HOXC13: variants seen among roughly 807,000 people sequenced by gnomAD.
HOXC13 encodes the protein homeobox protein Hox-C13.
In HOXC13, 10 loss-of-function variants were observed where a neutral mutation model predicts 25.9. The ratio of observed to expected loss-of-function variants is 0.39; its 90% CI spans 0.24 to 0.65. The LOEUF is 0.65. Among genes scored for constraint, HOXC13 ranks in the 30% least tolerant of loss-of-function variants. HOXC13 has a pLI of 0.50. For missense variants in HOXC13, 439 were observed against 478.3 expected, an observed-to-expected ratio of 0.92 and a Z score of 0.77; for synonymous variants, 233 against 217.1, an observed-to-expected ratio of 1.07 and a Z score of -0.64.
chr12:53,942,154 C>CTTTTTTTTTTTT (rs56678098), intron 1 of HOXC13, among the ~76,000 whole-genome samples: 1 of 39,338 alleles, frequency 2.5e-5, no homozygotes, highest in Non-Finnish European at 4.2e-5. Flanking sequence ...TGAGTGTAGA[C>CTTTTTTTTTTTT]TTTTTTTTTT....
chr12:53,945,444 C>T lies in HOXC13; in HGVS notation c.*188C>T. On this transcript the variant is annotated 3_prime_UTR_variant, in exon 2 of 2. Transcript: ENST00000243056. The surrounding 1 kb of genome is among the most constrained non-coding windows in gnomAD (Gnocchi z 4.4). Reference sequence around the variant, plus strand: ...CATCCCCAACTCCCTATCCCATCCCCAGCCTCCACCCCCATCCAGATGGGA... The same window carrying T: ...CATCCCCAACTCCCTATCCCATCCCTAGCCTCCACCCCCATCCAGATGGGA... 1 of 650,464 alleles carries T rather than the reference C, an allele frequency of 1.5e-6. No individual in the cohort carries two copies. Among genetic ancestry groups the T allele is most frequent in the Non-Finnish European group, 2.6e-6 (1 of 382,286 alleles). The allele number at this position is 650,464 out of a possible 1,614,324, so 40.3% of individuals were successfully genotyped here.
intron 1 of HOXC13, among the ~76,000 whole-genome samples, chr12:53,944,320 T>G (rs1344106508): frequency 6.6e-6 from 1 of 152,184 alleles, no homozygotes; most frequent in Non-Finnish European, 1.5e-5. Context: ...TGGCTTCACC[T>G]GGACACTTAT....
Position 53,939,742 on chromosome 12 carries a change from C to T in HOXC13, c.736+100C>T. The T allele has an allele frequency of 8.1e-7, 1 of 1,234,976 alleles. No individual in the cohort carries two copies. The highest frequency in any genetic ancestry group is 1.0e-6 in the Non-Finnish European group (1 of 986,558). The allele number at this position is 1,234,976 out of a possible 1,614,324, so 76.5% of individuals were successfully genotyped here. A position where few individuals can be genotyped will look rare whatever the true frequency, so the allele number is the denominator to read the frequency against. On this transcript the variant is annotated intron_variant, in intron 1 of 1. Transcript: ENST00000243056. The surrounding 1 kb of genome is among the most constrained non-coding windows in gnomAD (Gnocchi z 6.7). ...AACCACCCCCGCCGTCTGGCCCCGG[C>T]GCGCCCGCTCGGCTGGGCTGCCTAT...
rs1026075178 is a variant in HOXC13, at chr12:53,945,691, C to T, written c.*435C>T. 1 of 286,348 alleles carries T rather than the reference C, an allele frequency of 3.5e-6. No individual in the cohort carries two copies. The highest frequency in any genetic ancestry group is 4.9e-5 in the East Asian group (1 of 20,464). The allele number at this position is 286,348 out of a possible 1,614,324, so 17.7% of individuals were successfully genotyped here. On this transcript the variant is annotated 3_prime_UTR_variant, in exon 2 of 2. Transcript: ENST00000243056. The surrounding 1 kb of genome is among the most constrained non-coding windows in gnomAD (Gnocchi z 4.4). The stretch of plus-strand genomic sequence containing the variant: ...AGGACCTTCCCTAAGGGCGCAGCTT[C>T]GGAGCAGGATCTGTCCAGCTCATAC...
chr12:53,939,604 A>AGTACACCTGACT lies in HOXC13; in HGVS notation c.700_701insACACCTGACTGT (p.Gln233_Ser234insTyrThrTer). The AGTACACCTGACT allele has an allele frequency of 3.2e-6, 5 of 1,559,066 alleles. No individual in the cohort carries two copies. Among genetic ancestry groups the AGTACACCTGACT allele is most frequent in the South Asian group, 1.2e-5 (1 of 85,506 alleles). ...AGTCAGGTGTACTGCTCCAAGGAGC[A>AGTACACCTGACT]GTCGCAGTCCGCCCACCTCTGGAAG... On this transcript the variant is annotated stop_gained and inframe_insertion, in exon 1 of 2. Coordinates refer to ENST00000243056, the MANE Select transcript of HOXC13 (RefSeq NM_017410.3). LOFTEE classifies it high-confidence loss of function. The surrounding 1 kb of genome is among the most constrained non-coding windows in gnomAD (Gnocchi z 6.7).
Position 53,939,564 on chromosome 12 carries a change from T to C in HOXC13, c.658T>C (p.Ser220Pro). The change falls in exon 1 of 2, where the codon TCC becomes CCC. Residue 220 changes from serine to proline, a missense_variant. Coordinates refer to ENST00000243056, the MANE Select transcript of HOXC13 (RefSeq NM_017410.3). This position sits in a 1 kb window ranked among gnomAD's most constrained non-coding sequence, Gnocchi z 6.7. ...CGAAGGCTACCAGCACTGGGCTCTC[T>C]CCAATGGCTGGGACAGTCAGGTGTA... ...PVEGYQHWAL[S>P]NGWDSQVYCS... The C allele has an allele frequency of 1.2e-6, 2 of 1,611,554 alleles. No individual in the cohort carries two copies. Among genetic ancestry groups the C allele is most frequent in the Middle Eastern group, 1.7e-4 (1 of 6,058 alleles).
chr12:53,939,197 G>A lies in HOXC13; in HGVS notation c.291G>A (p.Pro97=), dbSNP rs779691824. 2.6e-6 allele frequency: 4 copies of A among 1,526,864 alleles called. No homozygotes were observed. The highest frequency in any genetic ancestry group is 2.4e-5 in the South Asian group (2 of 82,386). The allele number at this position is 1,526,864 out of a possible 1,614,324, so 94.6% of individuals were successfully genotyped here. ...AGGGCGCCGTCTATACGGACATCCCGGCCCCGGAGGCGGCGCGCCAGTGTG... is the reference window on the plus strand; with the variant it reads ...AGGGCGCCGTCTATACGGACATCCCAGCCCCGGAGGCGGCGCGCCAGTGTG... The part of the protein sequence containing the change: ...APQGAVYTDI[P]APEAARQCAP... The change falls in exon 1 of 2, where the codon CCG becomes CCA. Residue 97 remains proline (P), a synonymous_variant. Coordinates refer to ENST00000243056, the MANE Select transcript of HOXC13 (RefSeq NM_017410.3). This position sits in a 1 kb window ranked among gnomAD's most constrained non-coding sequence, Gnocchi z 6.7.
chr12:53,940,896 G>A (rs1357048346), intron 1 of HOXC13, among the ~76,000 whole-genome samples: 7 of 152,100 alleles, frequency 4.6e-5, no homozygotes, highest in East Asian at 1.9e-4. Flanking sequence ...ACCTCCTAAG[G>A]GTGGGCCTGA....
In HOXC13 at chr12:53,945,382, C is replaced by G; in HGVS notation, c.*126C>G. 2 of 1,189,322 alleles carry G rather than the reference C, an allele frequency of 1.7e-6. No homozygotes were observed. The highest frequency in any genetic ancestry group is 2.4e-6 in the Non-Finnish European group (2 of 845,878). The allele number at this position is 1,189,322 out of a possible 1,614,324, so 73.7% of individuals were successfully genotyped here. Reference sequence around the variant, plus strand: ...TAAGGAAAGAGAAGAACCGCGCCGCCCGGAGGCAGAGAGGCTCCATGGCCG... The same window carrying G: ...TAAGGAAAGAGAAGAACCGCGCCGCGCGGAGGCAGAGAGGCTCCATGGCCG... On this transcript the variant is annotated 3_prime_UTR_variant, in exon 2 of 2. Coordinates refer to ENST00000243056, the MANE Select transcript of HOXC13 (RefSeq NM_017410.3). The surrounding 1 kb of genome is among the most constrained non-coding windows in gnomAD (Gnocchi z 4.4).
rs1285778876 is a variant in HOXC13, at chr12:53,945,727, T to C, written c.*471T>C. 10 of 251,996 alleles carry C rather than the reference T, an allele frequency of 4.0e-5. No individual in the cohort carries two copies. The highest frequency in any genetic ancestry group is 6.3e-5 in the Non-Finnish European group (8 of 127,192). The allele number at this position is 251,996 out of a possible 1,614,324, so 15.6% of individuals were successfully genotyped here. A position where few individuals can be genotyped will look rare whatever the true frequency, so the allele number is the denominator to read the frequency against. On this transcript the variant is annotated 3_prime_UTR_variant, in exon 2 of 2. Coordinates refer to ENST00000243056, the MANE Select transcript of HOXC13 (RefSeq NM_017410.3). This position sits in a 1 kb window ranked among gnomAD's most constrained non-coding sequence, Gnocchi z 4.4. ...CTGTCCAGCTCATACTTTCCTTCGC[T>C]GTCCCTCCCGCACTCCTTAGGCAAG...
intron 1 of HOXC13, among the ~76,000 whole-genome samples, chr12:53,942,195 A>G (rs1938623042): frequency 2.9e-5 from 3 of 104,150 alleles, no homozygotes; most frequent in Admixed American, 1.1e-4. Context: ...TTTTTTTGAG[A>G]GAGAGAGAGA....
Position 53,939,147 on chromosome 12 carries a change from C to T in HOXC13, c.241C>T (p.Pro81Ser). The change falls in exon 1 of 2, where the codon CCG (proline) becomes TCG (serine). Residue 81 changes from proline to serine, a missense_variant. Physicochemically the swap from Pro to Ser is moderately conservative, Grantham distance 74. Transcript: ENST00000243056. This position sits in a 1 kb window ranked among gnomAD's most constrained non-coding sequence, Gnocchi z 6.7. ...GCTTCCGCACCCCGTGCTGGGCCGC[C>T]CGCCGGCTCCCCTGGGCGCCCCTCA... ...DLLPHPVLGRPPAPLGAPQGA... is the reference protein window; with the variant it reads ...DLLPHPVLGRSPAPLGAPQGA... 2 of 1,474,372 alleles carry T rather than the reference C, an allele frequency of 1.4e-6. No individual in the cohort carries two copies. Among genetic ancestry groups the T allele is most frequent in the Non-Finnish European group, 1.8e-6 (2 of 1,123,920 alleles). 91.3% of individuals were successfully genotyped at this position (1,474,372 alleles called of 1,614,324 possible). A position where few individuals can be genotyped will look rare whatever the true frequency, so the allele number is the denominator to read the frequency against.
In HOXC13 at chr12:53,939,748, C is replaced by G. The variant is rs568775650; in HGVS notation, c.736+106C>G. Reference sequence around the variant, plus strand: ...CCCCGCCGTCTGGCCCCGGCGCGCCCGCTCGGCTGGGCTGCCTATGGAGCC... The same window carrying G: ...CCCCGCCGTCTGGCCCCGGCGCGCCGGCTCGGCTGGGCTGCCTATGGAGCC... On this transcript the variant is annotated intron_variant, in intron 1 of 1. Transcript: ENST00000243056. The surrounding 1 kb of genome is among the most constrained non-coding windows in gnomAD (Gnocchi z 6.7). The G allele has an allele frequency of 4.8e-4, 587 of 1,232,052 alleles. 4 individuals carry two copies. In the African/African-American group the frequency reaches 8.7e-3, roughly 18 times the overall value. 76.3% of individuals were successfully genotyped at this position (1,232,052 alleles called of 1,614,324 possible).
Position 53,945,027 on chromosome 12 carries a change from G to T in HOXC13, c.764G>T (p.Ser255Ile). Residue 255 changes from serine (S) to isoleucine (I), a missense_variant, in exon 2 of 2, where the codon AGC becomes ATC. Ser to Ile is a moderately radical substitution (Grantham distance 142, BLOSUM62 -2). Coordinates refer to ENST00000243056, the MANE Select transcript of HOXC13 (RefSeq NM_017410.3). The surrounding 1 kb of genome is among the most constrained non-coding windows in gnomAD (Gnocchi z 4.4). ...PDVVPLQPEV[S>I]SYRRGRKKRV... ...GTGGTTCCCCTGCAGCCCGAGGTGA[G>T]CAGCTACCGGCGCGGGCGCAAGAAA... 3 of 1,613,972 alleles carry T rather than the reference G, an allele frequency of 1.9e-6. No homozygotes were observed. The highest frequency in any genetic ancestry group is 1.3e-5 in the African/African-American group (1 of 75,016).
At position 53,945,101 on chromosome 12, in the gene HOXC13, G is replaced by A. The variant is rs1284097443; in HGVS notation, c.838G>A (p.Ala280Thr). 5.0e-6 allele frequency: 8 copies of A among 1,614,060 alleles called. No individual in the cohort carries two copies. Among genetic ancestry groups the A allele is most frequent in the African/African-American group, 2.7e-5 (2 of 74,908 alleles). Residue 280 changes from alanine (A) to threonine (T), a missense_variant, in exon 2 of 2, where the codon GCG becomes ACG. Ala to Thr is a moderately conservative substitution (Grantham distance 58). Coordinates refer to ENST00000243056, the MANE Select transcript of HOXC13 (RefSeq NM_017410.3). The surrounding 1 kb of genome is among the most constrained non-coding windows in gnomAD (Gnocchi z 4.4). ...VQLKELEKEYAASKFITKEKR... is the reference protein window; with the variant it reads ...VQLKELEKEYTASKFITKEKR... Reference sequence around the variant, plus strand: ...GCTGAAGGAGCTAGAGAAGGAATACGCGGCTAGCAAGTTCATCACCAAAGA... The same window carrying A: ...GCTGAAGGAGCTAGAGAAGGAATACACGGCTAGCAAGTTCATCACCAAAGA...
chr12:53,941,673 A>C (rs1300333480), intron 1 of HOXC13, among the ~76,000 whole-genome samples: 1 of 152,240 alleles, frequency 6.6e-6, no homozygotes, highest in Non-Finnish European at 1.5e-5. Context: ...GTATATCCCA[A>C]TTGAGATTTA....
Position 53,944,507 on chromosome 12 carries a change from G to A in HOXC13, c.737-493G>A, listed in dbSNP as rs7973071. On this transcript the variant is annotated intron_variant, in intron 1 of 1. Coordinates refer to ENST00000243056, the MANE Select transcript of HOXC13 (RefSeq NM_017410.3). ...AATATAAACTAATAAGGACCCAAGCGATCTAACTGCAGGAAGGAGGGATTT... is the reference window on the plus strand; with the variant it reads ...AATATAAACTAATAAGGACCCAAGCAATCTAACTGCAGGAAGGAGGGATTT... Among the ~76,000 whole-genome samples, 1,437 of 152,214 alleles carry A rather than the reference G, an allele frequency of 9.4e-3. 22 individuals are homozygous for A. Among genetic ancestry groups the A allele is most frequent in the African/African-American group, 0.032 (1,349 of 41,522 alleles).
chr12:53,938,955 T>A lies in HOXC13; in HGVS notation c.49T>A (p.Tyr17Asn). 9 of 1,546,338 alleles carry A rather than the reference T, an allele frequency of 5.8e-6. No homozygotes were observed. The highest frequency in any genetic ancestry group is 7.8e-6 in the Non-Finnish European group (9 of 1,151,342). ...TCCACGCTGGCCGGAGAGCCTTATG[T>A]ACGTCTATGAGGACAGCGCGGCGGA... is the stretch of plus-strand genomic sequence containing the variant. Reference protein sequence around the residue: ...LHPRWPESLMYVYEDSAAESG... With the variant: ...LHPRWPESLMNVYEDSAAESG... Residue 17 changes from tyrosine to asparagine, a missense_variant, in exon 1 of 2, where the codon TAC becomes AAC. Transcript: ENST00000243056.
intron 1 of HOXC13, among the ~76,000 whole-genome samples, chr12:53,940,910 TC>T (rs1032440700): frequency 3.3e-5 from 5 of 152,112 alleles, no homozygotes; most frequent in African/African-American, 1.2e-4. Context: ...GGCCTGAAAT[TC>T]CTCTGCATAC....
Sources: gnomAD v4.1 joint callset for allele counts (sites outside exome capture counted in the v4.1 genomes callset) on GRCh38, gnomAD v4.1.1 for gene constraint, Gnocchi (gnomAD v3.1) non-coding constraint, MANE v1.5 for transcripts, NCBI Gene and HGNC (gene_info 2026-07-23, HGNC 2026-07-21) for gene names.